Variants in MSRB2 observed in about 807,000 individuals in gnomAD.
The protein encoded by MSRB2 is methionine sulfoxide reductase B2.
In MSRB2, 17 loss-of-function variants were observed where a neutral mutation model predicts 19.0. The ratio of observed to expected loss-of-function variants is 0.89; its 90% CI spans 0.61 to 1.34. MSRB2 has a LOEUF of 1.34. Among genes scored for constraint, MSRB2 ranks in the 40% most tolerant of loss-of-function variants. The probability of loss-of-function intolerance (pLI) is 0.00; values close to 1 mark genes in which losing one functional copy is unlikely to be tolerated. For synonymous variants in MSRB2, 107 were observed against 99.7 expected (o/e 1.07, Z -0.44); for missense variants, 208 against 237.6 (o/e 0.88, Z 0.82).
rs780227396 is a variant in MSRB2, at chr10:23,119,330, C to T, written c.323C>T (p.Thr108Ile). The change falls in exon 4 of 5, where the codon ACT (threonine) becomes ATT (isoleucine). Residue 108 changes from threonine to isoleucine, a missense_variant. Thr to Ile is a moderately conservative substitution (Grantham distance 89). Coordinates refer to ENST00000376510, the MANE Select transcript of MSRB2 (RefSeq NM_012228.4). ...TCTGAGAAAAAGTACTGCTCTGGCA[C>T]TGGGTGGCCTTCGTTTTCCGAGGCT... ...FSSEKKYCSG[T>I]GWPSFSEAHG... 3.1e-6 allele frequency: 5 copies of T among 1,614,010 alleles called. No individual in the cohort carries two copies. The South Asian group carries it at 4.4e-5, about 14-fold the overall frequency.
At chr10:23,115,567 G>T (rs960272703) in intron 3 of MSRB2, among the ~76,000 whole-genome samples, 1 of 152,084 alleles carries the variant, frequency 6.6e-6, no homozygotes, top group Admixed American at 6.6e-5. Flanking sequence ...CAGAAATCAA[G>T]GAAAACCAAA....
intron 3 of MSRB2, among the ~76,000 whole-genome samples, chr10:23,117,893 T>C (rs1226257106): frequency 2.0e-5 from 3 of 152,290 alleles, no homozygotes; most frequent in Non-Finnish European, 4.4e-5. Flanking sequence ...GCCAGCAAAA[T>C]TCGAAACTTT....
Position 23,120,619 on chromosome 10 carries a change from T to C in MSRB2, c.445-139T>C, listed in dbSNP as rs562011082. On this transcript the variant is annotated intron_variant, in intron 4 of 4. Transcript: ENST00000376510. Reference sequence around the variant, plus strand: ...TGCTTTCTTTCATTTCTTAATTGAATTCGGATGCAATAGACTTTTTCTCCT... The same window carrying C: ...TGCTTTCTTTCATTTCTTAATTGAACTCGGATGCAATAGACTTTTTCTCCT... 2,235 of 550,158 alleles carry C rather than the reference T, an allele frequency of 4.1e-3. 7 individuals carry two copies. Among genetic ancestry groups the C allele is most frequent in the Non-Finnish European group, 6.2e-3 (1,923 of 309,104 alleles). 34.1% of individuals were successfully genotyped at this position (550,158 alleles called of 1,614,324 possible).
At chr10:23,098,538 C>T (rs1056756121) in intron 1 of MSRB2, among the ~76,000 whole-genome samples, 16 of 152,278 alleles carry the variant, frequency 1.1e-4, no homozygotes, top group Admixed American at 1.0e-3. Context: ...GTGAAGATAG[C>T]AAGAGAATGT....
chr10:23,115,877 A>C (rs1016440470), intron 3 of MSRB2, among the ~76,000 whole-genome samples: 9 of 152,310 alleles, frequency 5.9e-5, no homozygotes, highest in African/African-American at 2.2e-4. Flanking sequence ...TATTGTATTC[A>C]TAATTCTCAA....
intron 1 of MSRB2, among the ~76,000 whole-genome samples, chr10:23,098,968 T>A (rs1839897064): frequency 6.6e-6 from 1 of 152,216 alleles, no homozygotes. Context: ...AACTTGGGGA[T>A]AGCTGCCTTC....
intron 3 of MSRB2, among the ~76,000 whole-genome samples, chr10:23,117,354 A>G (rs532951864): frequency 6.6e-6 from 1 of 152,260 alleles, no homozygotes; most frequent in Non-Finnish European, 1.5e-5. Flanking sequence ...ACATCCTCTT[A>G]TACTCCAATC....
chr10:23,101,992 G>T (rs751070089), intron 1 of MSRB2, among the ~76,000 whole-genome samples: 8 of 152,110 alleles, frequency 5.3e-5, no homozygotes, highest in Non-Finnish European at 1.0e-4. Flanking sequence ...GGGGAGGACT[G>T]GTCAGGTTCC....
At chr10:23,098,178 CT>C (rs1470539201) in intron 1 of MSRB2, among the ~76,000 whole-genome samples, 1 of 152,098 alleles carries the variant, frequency 6.6e-6, no homozygotes. Context: ...GCTGGGGATT[CT>C]TTTAATACCA....
chr10:23,096,028 G>T (rs889096263), intron 1 of MSRB2, among the ~76,000 whole-genome samples: 1 of 151,902 alleles, frequency 6.6e-6, no homozygotes, highest in African/African-American at 2.4e-5. Flanking sequence ...GGGCTCGGGG[G>T]CCTCTGACCC....
intron 4 of MSRB2, 81 bp from the exon 5 acceptor site, chr10:23,120,677 T>C: frequency 9.6e-7 from 1 of 1,037,554 alleles, no homozygotes; most frequent in South Asian, 1.5e-5. Flanking sequence ...GTGGAGTGAT[T>C]TTGGGGGGGT....
intron 2 of MSRB2, among the ~76,000 whole-genome samples, chr10:23,106,491 CG>C (rs1839987753): frequency 6.6e-6 from 1 of 152,212 alleles, no homozygotes; most frequent in Admixed American, 6.5e-5. Flanking sequence ...CCACTCTCCG[CG>C]GGCTCCCCTG....
chr10:23,110,248 A>T lies in MSRB2; in HGVS notation c.226A>T (p.Ser76Cys). 2 of 1,613,320 alleles carry T rather than the reference A, an allele frequency of 1.2e-6. No homozygotes were observed. The highest frequency in any genetic ancestry group is 2.2e-5 in the East Asian group (1 of 44,874). ...ATATCTAATTTACTTTCAGCCTTTC[A>T]GTGGGATCTACCTGAATAACAAGGA... ...TREKGTEPPFSGIYLNNKEAG... is the reference protein window; with the variant it reads ...TREKGTEPPFCGIYLNNKEAG... Residue 76 changes from serine to cysteine, a missense_variant, in exon 3 of 5, where the codon AGT becomes TGT. Physicochemically the swap from Ser to Cys is moderately radical, Grantham distance 112. Coordinates refer to ENST00000376510, the MANE Select transcript of MSRB2 (RefSeq NM_012228.4).
In MSRB2 at chr10:23,095,584, G is replaced by A; in HGVS notation, c.-25G>A. The stretch of plus-strand genomic sequence containing the variant: ...GGCAGAGACGGGCAGAGGGCAGAGG[G>A]CGGAGCGGCGCCGGAGCGGGCGTCA... On this transcript the variant is annotated 5_prime_UTR_variant, in exon 1 of 5. Transcript: ENST00000376510. 7 of 1,471,792 alleles carry A rather than the reference G, an allele frequency of 4.8e-6. No homozygotes were observed. Among genetic ancestry groups the A allele is most frequent in the Non-Finnish European group, 6.3e-6 (7 of 1,114,908 alleles). The allele number at this position is 1,471,792 out of a possible 1,614,324, so 91.2% of individuals were successfully genotyped here.
intron 1 of MSRB2, 137 bp downstream of exon 1, chr10:23,095,863 C>CA (rs1001867276): frequency 8.6e-6 from 4 of 464,322 alleles, no homozygotes; most frequent in African/African-American, 2.0e-5. Context: ...GCCCCTCCCC[C>CA]CCCCCAGCCC....
In MSRB2 at chr10:23,107,958, ATTTTT is replaced by A. The variant is rs201449480; in HGVS notation, c.220-2272_220-2268del. Among the ~76,000 whole-genome samples, 293 of 146,418 alleles carry A rather than the reference ATTTTT, an allele frequency of 2.0e-3. 4 individuals carry two copies. The highest frequency in any genetic ancestry group is 5.9e-3 in the African/African-American group (235 of 39,824). On this transcript the variant is annotated intron_variant, in intron 2 of 4. Transcript: ENST00000376510. Reference sequence around the variant, plus strand: ...GTTGGCTGAGTATTCCTTTTCATTGATTTTTTTTTTTTTTTTCTTGAGATGGGGTT... The same window carrying A: ...GTTGGCTGAGTATTCCTTTTCATTGATTTTTTTTTTTCTTGAGATGGGGTT...
chr10:23,110,491 G>T (rs1203253249), intron 3 of MSRB2, among the ~76,000 whole-genome samples, 173 bp downstream of exon 3: 1 of 151,958 alleles, frequency 6.6e-6, no homozygotes, highest in Non-Finnish European at 1.5e-5. Flanking sequence ...TAAGATACTT[G>T]CCTGTCTTGA....
chr10:23,108,616 C>T (rs914547488), intron 2 of MSRB2, among the ~76,000 whole-genome samples: 1 of 151,840 alleles, frequency 6.6e-6, no homozygotes, highest in African/African-American at 2.4e-5. Context: ...GCTGGGATTA[C>T]AGGCGTGCTC....
Position 23,102,711 on chromosome 10 carries a change from C to A in MSRB2, c.119-1433C>A, listed in dbSNP as rs369247750. Among the ~76,000 whole-genome samples, 59 of 152,304 alleles carry A rather than the reference C, an allele frequency of 3.9e-4. No individual in the cohort carries two copies. The South Asian group carries it at 0.012, about 30-fold the overall frequency. The stretch of plus-strand genomic sequence containing the variant: ...TTGTATTTTGAGAAGATGTGACTAT[C>A]TGTTCCCCAGTAGTCTTTCACCCAG... On this transcript the variant is annotated intron_variant, in intron 1 of 4. Coordinates refer to ENST00000376510, the MANE Select transcript of MSRB2 (RefSeq NM_012228.4).
Sources: allele counts gnomAD v4.1 joint callset (sites outside exome capture counted in the v4.1 genomes callset), GRCh38; gene constraint gnomAD v4.1.1; transcripts MANE v1.5; gene names NCBI Gene and HGNC (gene_info 2026-07-23, HGNC 2026-07-21).